GRID2: variants seen among roughly 807,000 people sequenced by gnomAD.
GRID2 encodes glutamate receptor ionotropic, delta-2.
GRID2 carries 33 observed loss-of-function variants against 114.8 expected under a neutral mutation model. That is an observed-to-expected ratio of 0.29 (90% confidence interval 0.22 to 0.38). GRID2 has a LOEUF of 0.38. GRID2 is among the 10% of genes least tolerant of loss of function. GRID2 has a pLI of 1.00. For synonymous variants in GRID2, 505 were observed against 449.9 expected (o/e 1.12, Z -1.55); for missense variants, 1,184 against 1,257.7 (o/e 0.94, Z 0.89).
intron 2 of GRID2, among the ~76,000 whole-genome samples, chr4:92,728,445 T>C (rs1462691145): frequency 1.3e-5 from 2 of 152,072 alleles, no homozygotes; most frequent in East Asian, 3.9e-4. Flanking sequence ...GTAAGCTCGC[T>C]CAAGTGATTG....
At chr4:92,533,899 A>G (rs928255071) in intron 1 of GRID2, among the ~76,000 whole-genome samples, 1 of 152,158 alleles carries the variant, frequency 6.6e-6, no homozygotes, top group African/African-American at 2.4e-5. Flanking sequence ...TAGATTCTAT[A>G]GATTTAATCT....
intron 2 of GRID2, among the ~76,000 whole-genome samples, chr4:93,077,507 G>A (rs1729443016): frequency 6.6e-6 from 1 of 151,958 alleles, no homozygotes; most frequent in African/African-American, 2.4e-5. Flanking sequence ...GTTTTATAAG[G>A]AACAATAATT....
chr4:93,542,152 G>T (rs1308578292), intron 13 of GRID2, among the ~76,000 whole-genome samples: 1 of 152,116 alleles, frequency 6.6e-6, no homozygotes, highest in Non-Finnish European at 1.5e-5. Flanking sequence ...TCACTAGACT[G>T]GGGCAAAGTG....
At chr4:92,739,923 A>T (rs1467130006) in intron 2 of GRID2, among the ~76,000 whole-genome samples, 1 of 152,164 alleles carries the variant, frequency 6.6e-6, no homozygotes, top group Non-Finnish European at 1.5e-5. Context: ...GTATAAAATT[A>T]CCTTCCATAA....
chr4:92,951,416 A>C (rs1007851377), intron 2 of GRID2, among the ~76,000 whole-genome samples: 3 of 151,812 alleles, frequency 2.0e-5, no homozygotes, highest in African/African-American at 7.3e-5. Flanking sequence ...TGGCGCAGTC[A>C]CACCTCGCTG....
intron 2 of GRID2, among the ~76,000 whole-genome samples, chr4:92,695,886 G>T (rs1359110922): frequency 2.0e-5 from 3 of 152,022 alleles, no homozygotes; most frequent in Non-Finnish European, 4.4e-5. Flanking sequence ...AGTTTGATAA[G>T]CCTTACTTTT....
Position 92,304,137 on chromosome 4 carries a change from C to T in GRID2, c.-520C>T, listed in dbSNP as rs1371402879. 5.9e-6 allele frequency: 1 copy of T among 170,842 alleles called. No homozygotes were observed. Among genetic ancestry groups the T allele is most frequent in the East Asian group, 1.9e-4 (1 of 5,398 alleles). 10.6% of individuals were successfully genotyped at this position (170,842 alleles called of 1,614,324 possible). On this transcript the variant is annotated 5_prime_UTR_variant, in exon 1 of 16. Transcript: ENST00000282020. ...AATCTGGCTGCTCCGTTTGGAATCT[C>T]CTAATCTTTCCTTTCCACTTAGATT...
rs745558750 is a variant in GRID2 at position 92,662,309 on chromosome 4, G to A, written c.244+72023G>A. On this transcript the variant is annotated intron_variant, in intron 2 of 15. Transcript: ENST00000282020. ...GTAGAAGGAAGCATATATTTACTGCGTCATAATTTTATTATGGTGGCGCTC... is the reference window on the plus strand; with the variant it reads ...GTAGAAGGAAGCATATATTTACTGCATCATAATTTTATTATGGTGGCGCTC... Among the ~76,000 whole-genome samples the A allele has an allele frequency of 2.6e-5, 4 of 150,992 alleles. 1 individual carries two copies. The East Asian group carries it at 5.8e-4, about 22-fold the overall frequency.
intron 1 of GRID2, among the ~76,000 whole-genome samples, chr4:92,575,508 G>T (rs1272199109): frequency 6.6e-6 from 1 of 152,056 alleles, no homozygotes; most frequent in South Asian, 2.1e-4. Flanking sequence ...TGTGGTTTTT[G>T]TTGTTGTTTG....
intron 4 of GRID2, among the ~76,000 whole-genome samples, chr4:93,116,201 C>T (rs1733235761): frequency 6.6e-6 from 1 of 152,118 alleles, no homozygotes; most frequent in Non-Finnish European, 1.5e-5. Flanking sequence ...ATTGTAAAGA[C>T]AATATACTAG....
chr4:92,606,688 C>T (rs1001684793), intron 2 of GRID2, among the ~76,000 whole-genome samples: 2 of 151,944 alleles, frequency 1.3e-5, no homozygotes, highest in African/African-American at 4.8e-5. Context: ...GTTGGCTGCA[C>T]TCCACCCAGA....
intron 8 of GRID2, among the ~76,000 whole-genome samples, chr4:93,269,308 A>G (rs1751179913): frequency 6.6e-6 from 1 of 152,188 alleles, no homozygotes; most frequent in South Asian, 2.1e-4. Flanking sequence ...TTTTAAAAAA[A>G]GTTTTTGGTT....
intron 1 of GRID2, among the ~76,000 whole-genome samples, chr4:92,318,370 C>T (rs1226358180): frequency 2.9e-5 from 4 of 137,960 alleles, no homozygotes; most frequent in South Asian, 2.3e-4. Context: ...ACAGAGAAAT[C>T]GACTGGTTCA....
intron 1 of GRID2, among the ~76,000 whole-genome samples, chr4:92,400,868 T>C (rs968116992): frequency 6.6e-6 from 1 of 152,184 alleles, no homozygotes; most frequent in Non-Finnish European, 1.5e-5. Flanking sequence ...ACTTCCTTCA[T>C]GTACTTACAT....
At chr4:92,488,761 C>G (rs1364029249) in intron 1 of GRID2, among the ~76,000 whole-genome samples, 2 of 152,158 alleles carry the variant, frequency 1.3e-5, no homozygotes, top group African/African-American at 4.8e-5. Flanking sequence ...ACTCTGCATT[C>G]TGCAAGCACA....
intron 10 of GRID2, among the ~76,000 whole-genome samples, chr4:93,444,722 T>A (rs1403393978): frequency 6.6e-6 from 1 of 151,934 alleles, no homozygotes; most frequent in South Asian, 2.1e-4. Context: ...ACAAAAATAA[T>A]TATTGCTCAA....
At chr4:93,369,608 C>A (rs1193434023) in intron 8 of GRID2, among the ~76,000 whole-genome samples, 1 of 152,088 alleles carries the variant, frequency 6.6e-6, no homozygotes, top group East Asian at 1.9e-4. Flanking sequence ...TCCACCTCAG[C>A]CTCCCAAGTA....
intron 8 of GRID2, among the ~76,000 whole-genome samples, chr4:93,240,251 C>G (rs972747531): frequency 6.6e-6 from 1 of 151,598 alleles, no homozygotes; most frequent in East Asian, 1.9e-4. Flanking sequence ...TACATACCAC[C>G]AGCAGTGCAG....
At chr4:92,788,210 G>A (rs1739411984) in intron 2 of GRID2, among the ~76,000 whole-genome samples, 1 of 151,686 alleles carries the variant, frequency 6.6e-6, no homozygotes, top group Non-Finnish European at 1.5e-5. Context: ...ATGTAGCAAA[G>A]GAGGCTGAAA....
Sources: gnomAD v4.1 joint callset for allele counts (sites outside exome capture counted in the v4.1 genomes callset) on GRCh38, gnomAD v4.1.1 for gene constraint, MANE v1.5 for transcripts, NCBI Gene and HGNC (gene_info 2026-07-23, HGNC 2026-07-21) for gene names.